Variants in GLYR1 observed in about 807,000 individuals in gnomAD.
GLYR1 encodes the protein cytokine-like nuclear factor N-PAC.
Under a neutral mutation model 72.7 loss-of-function variants are expected in GLYR1, and 21 were observed. The ratio of observed to expected loss-of-function variants is 0.29; its 90% confidence interval spans 0.20 to 0.42. The LOEUF is 0.42. Ranked by LOEUF, GLYR1 falls within the 10% of genes least tolerant of loss-of-function variation. GLYR1 has a pLI of 1.00. For synonymous variants in GLYR1, 392 were observed against 270.2 expected (o/e 1.45, Z -4.42); for missense variants, 594 against 712.1 (o/e 0.83, Z 1.89).
chr16:4,845,502 C>A (rs1047822486), intron 2 of GLYR1, among the ~76,000 whole-genome samples: 3 of 152,152 alleles, frequency 2.0e-5, no homozygotes, highest in East Asian at 1.9e-4. Flanking sequence ...ACCACCCCAC[C>A]CCTGCTCCAA....
At position 4,804,859 on chromosome 16, in the gene GLYR1, T is replaced by C. The variant is rs184126747; in HGVS notation, c.*377A>G. The C allele has an allele frequency of 1.6e-5, 4 of 246,336 alleles. No homozygotes were observed. The highest frequency in any genetic ancestry group is 8.2e-6 in the Non-Finnish European group (1 of 122,512). 15.3% of individuals were successfully genotyped at this position (246,336 alleles called of 1,614,324 possible). The stretch of plus-strand genomic sequence containing the variant: ...TTCTAGTTCCTTGACTGGAAGGGGT[T>C]TGAGATAAGACAAGCTCGGAAGAAA... On this transcript the variant is annotated 3_prime_UTR_variant, in exon 16 of 16. Transcript: ENST00000321919.
chr16:4,840,908 C>A (rs2085501505), intron 3 of GLYR1, among the ~76,000 whole-genome samples: 2 of 152,236 alleles, frequency 1.3e-5, no homozygotes, highest in South Asian at 4.1e-4. Context: ...CAGCACTGAT[C>A]ACTAAGGAAG....
At chr16:4,820,240 T>C (rs1227428539) in intron 9 of GLYR1, among the ~76,000 whole-genome samples, 2 of 152,166 alleles carry the variant, frequency 1.3e-5, no homozygotes, top group African/African-American at 4.8e-5. Context: ...CCGCCCACCT[T>C]GGCCTCCCAA....
rs116073854 is a variant in GLYR1, at chr16:4,813,590, G to C, written c.1119+147C>G. The C allele has an allele frequency of 2.5e-3, 1,689 of 680,906 alleles. 25 individuals are homozygous for C. The African/African-American group carries it at 0.027, about 11-fold the overall frequency. 42.2% of individuals were successfully genotyped at this position (680,906 alleles called of 1,614,324 possible). On this transcript the variant is annotated intron_variant, in intron 12 of 15. Transcript: ENST00000321919. ...TAGCTGCGGTTTGAAGGTGGAGCAC[G>C]GGATAGGCTAGTCCCAAGGCTACTC...
chr16:4,811,495 T>G, intron 14 of GLYR1, 128 bp downstream of exon 14: 6 of 1,325,500 alleles, frequency 4.5e-6, no homozygotes, highest in Non-Finnish European at 6.2e-6. Flanking sequence ...ACTGTGTTTC[T>G]GAACCTCCTC....
chr16:4,812,294 GCT>G lies in GLYR1; in HGVS notation c.1120-48_1120-47del, dbSNP rs777131096. ...TTCTGGAGGCCTCCCCTCTCCCAGC[GCT>G]CTCTGGGCAGGACTCAAGGAGTGTT... On this transcript the variant is annotated intron_variant, in intron 12 of 15. Coordinates refer to ENST00000321919, the MANE Select transcript of GLYR1 (RefSeq NM_032569.4). 4 of 1,580,986 alleles carry G rather than the reference GCT, an allele frequency of 2.5e-6. No individual in the cohort carries two copies. The East Asian group carries it at 9.0e-5, about 36-fold the overall frequency.
At chr16:4,836,471 A>C (rs1054068967) in intron 3 of GLYR1, among the ~76,000 whole-genome samples, 6 of 152,236 alleles carry the variant, frequency 3.9e-5, no homozygotes, top group Admixed American at 2.0e-4. Flanking sequence ...AAGCTTATTC[A>C]AGCTGTATTT....
At chr16:4,821,140 T>C in intron 9 of GLYR1, 1 of 575,476 alleles carries the variant, frequency 1.7e-6, no homozygotes. Context: ...AAGTGCTCCT[T>C]GCTCTTGAGT....
In GLYR1 at chr16:4,832,099, G is replaced by A. The variant is rs143517198; in HGVS notation, c.417C>T (p.Asn139=). The change falls in exon 5 of 16, where the codon AAC becomes AAT. Residue 139 remains asparagine, a synonymous_variant. Coordinates refer to ENST00000321919, the MANE Select transcript of GLYR1 (RefSeq NM_032569.4). ...ACACCCTCTTCTTTCCTTCTCCCAT[G>A]TTCTTCTTCACCTTCCCTTCAGACA... The part of the protein sequence containing the change: ...LSLSEGKVKK[N]MGEGKKRVSS... 68 of 1,614,032 alleles carry A rather than the reference G, an allele frequency of 4.2e-5. No homozygotes were observed. In the Middle Eastern group the frequency reaches 9.9e-4, roughly 23 times the overall value.
intron 3 of GLYR1, chr16:4,833,225 C>A (rs1596379092): frequency 4.7e-6 from 1 of 214,504 alleles, no homozygotes; most frequent in Non-Finnish European, 9.2e-6. Flanking sequence ...TGCCCAACCA[C>A]ATATACGCTG....
chr16:4,814,786 T>C (rs920378790), intron 10 of GLYR1, 139 bp from the exon 11 acceptor site: 43 of 658,556 alleles, frequency 6.5e-5, no homozygotes, highest in Non-Finnish European at 1.0e-4. Context: ...GTCATGGAGA[T>C]AGGAGCCCAA....
intron 3 of GLYR1, among the ~76,000 whole-genome samples, chr16:4,836,605 C>T (rs1168506851): frequency 5.9e-5 from 9 of 152,134 alleles, no homozygotes; most frequent in Non-Finnish European, 5.9e-5. Context: ...TATCTGGCTA[C>T]GTGGAGATGA....
intron 2 of GLYR1, 21 bp downstream of exon 2, chr16:4,846,153 C>T: frequency 6.2e-7 from 1 of 1,613,614 alleles, no homozygotes; most frequent in Non-Finnish European, 8.5e-7. Flanking sequence ...AGATCTCTTC[C>T]TTTAGTAGCA....
chr16:4,812,496 A>ATT (rs564781680), intron 12 of GLYR1, among the ~76,000 whole-genome samples: 7 of 144,026 alleles, frequency 4.9e-5, no homozygotes, highest in Non-Finnish European at 6.2e-5. Flanking sequence ...CTGACTTGGA[A>ATT]TTTTTTTTTT....
chr16:4,812,677 A>G (rs887777024), intron 12 of GLYR1, among the ~76,000 whole-genome samples: 20 of 149,006 alleles, frequency 1.3e-4, no homozygotes, highest in African/African-American at 4.7e-4. Flanking sequence ...TATTTTTAGT[A>G]GAGACAGGTT....
intron 15 of GLYR1, among the ~76,000 whole-genome samples, chr16:4,805,895 A>G (rs1052386475): frequency 4.6e-5 from 7 of 152,090 alleles, no homozygotes; most frequent in Middle Eastern, 3.4e-3. Flanking sequence ...GCAGGAGAAT[A>G]GCTTGAACCT....
At chr16:4,817,066 C>T (rs1038178564) in intron 10 of GLYR1, among the ~76,000 whole-genome samples, 1 of 151,634 alleles carries the variant, frequency 6.6e-6, no homozygotes, top group Admixed American at 6.6e-5. Context: ...GCCTCAGCCT[C>T]CTGAGTAACT....
At chr16:4,824,023 C>T in intron 5 of GLYR1, 116 bp from the exon 6 acceptor site, 1 of 720,616 alleles carries the variant, frequency 1.4e-6, no homozygotes, top group Non-Finnish European at 2.4e-6. Context: ...GTTCTGATGA[C>T]CGTCCCTCGG....
intron 15 of GLYR1, among the ~76,000 whole-genome samples, chr16:4,807,234 C>A (rs1032382521): frequency 6.6e-5 from 10 of 151,726 alleles, no homozygotes; most frequent in African/African-American, 2.2e-4. Flanking sequence ...GTCCCAGCCT[C>A]CGGAGTAGCT....
Sources: allele counts gnomAD v4.1 joint callset (sites outside exome capture counted in the v4.1 genomes callset), GRCh38; gene constraint gnomAD v4.1.1; transcripts MANE v1.5; gene names NCBI Gene and HGNC (gene_info 2026-07-23, HGNC 2026-07-21).